PDZRN4: variants seen among roughly 807,000 people sequenced by gnomAD.
PDZRN4 encodes PDZ domain containing ring finger 4, also known as PDZ domain-containing RING finger protein 4.
Under a neutral mutation model 99.0 loss-of-function variants are expected in PDZRN4, and 70 were observed. That is an observed-to-expected ratio of 0.71 (90% CI 0.58 to 0.86). The LOEUF (loss-of-function observed/expected upper bound fraction) is 0.86. Ranked by LOEUF, PDZRN4 falls within the 40% of genes least tolerant of loss-of-function variation. The probability of loss-of-function intolerance (pLI) is 0.00; values close to 1 mark genes in which losing one functional copy is unlikely to be tolerated. For synonymous variants in PDZRN4, 551 were observed against 501.6 expected (o/e 1.10, Z -1.32); for missense variants, 1,474 against 1,331.2 (o/e 1.11, Z -1.67).
At chr12:41,311,214 C>A (rs1399099481) in intron 3 of PDZRN4, among the ~76,000 whole-genome samples, 1 of 151,954 alleles carries the variant, frequency 6.6e-6, no homozygotes, top group East Asian at 1.9e-4. Flanking sequence ...TGTTTAAAAA[C>A]CACACAGTCA....
chr12:41,464,982 G>A lies in PDZRN4; in HGVS notation c.844-41474G>A, dbSNP rs190618884. On this transcript the variant is annotated intron_variant, in intron 3 of 9. Transcript: ENST00000402685. ...TGGGATTACGAGTGCCTGTCACCAC[G>A]CCTGGCTAATTTTTGCATTTTTAGT... Among the ~76,000 whole-genome samples the A allele has an allele frequency of 2.4e-3, 363 of 151,970 alleles. 3 individuals carry two copies. Among genetic ancestry groups the A allele is most frequent in the Non-Finnish European group, 3.6e-3 (247 of 67,956 alleles).
intron 3 of PDZRN4, among the ~76,000 whole-genome samples, chr12:41,244,850 A>G (rs1049430629): frequency 1.8e-5 from 2 of 113,258 alleles, no homozygotes; most frequent in African/African-American, 3.1e-5. Context: ...GCGCCCGGCT[A>G]ATTTTTTGTA....
At chr12:41,267,256 T>C (rs1158792972) in intron 3 of PDZRN4, among the ~76,000 whole-genome samples, 1 of 152,174 alleles carries the variant, frequency 6.6e-6, no homozygotes, top group African/African-American at 2.4e-5. Flanking sequence ...GCACACATAG[T>C]GTATTACCCC....
At chr12:41,216,933 A>G (rs1371274554) in intron 3 of PDZRN4, among the ~76,000 whole-genome samples, 1 of 152,108 alleles carries the variant, frequency 6.6e-6, no homozygotes, top group Non-Finnish European at 1.5e-5. Flanking sequence ...CCTTGTATAG[A>G]AGAGTTTTCC....
At chr12:41,444,832 G>A (rs1043039342) in intron 3 of PDZRN4, among the ~76,000 whole-genome samples, 13 of 151,934 alleles carry the variant, frequency 8.6e-5, no homozygotes, top group African/African-American at 3.1e-4. Context: ...ATAATATAGT[G>A]ATTAAAAAAT....
chr12:41,489,924 A>G (rs1299465679), intron 3 of PDZRN4, among the ~76,000 whole-genome samples: 2 of 152,152 alleles, frequency 1.3e-5, no homozygotes, highest in African/African-American at 4.8e-5. Context: ...TTCTTTGATA[A>G]GTAATTTTGC....
At chr12:41,498,611 T>A (rs184028652) in intron 3 of PDZRN4, among the ~76,000 whole-genome samples, 144 of 152,246 alleles carry the variant, frequency 9.5e-4, no homozygotes, top group Non-Finnish European at 1.8e-3. Context: ...AGAGCTTTTA[T>A]AAACTAATCA....
At chr12:41,375,994 A>G (rs1318460108) in intron 3 of PDZRN4, among the ~76,000 whole-genome samples, 2 of 152,076 alleles carry the variant, frequency 1.3e-5, no homozygotes, top group Admixed American at 1.3e-4. Flanking sequence ...ATTATACATC[A>G]TTTGTATTTC....
chr12:41,209,425 C>T (rs1241655721), intron 3 of PDZRN4, among the ~76,000 whole-genome samples: 4 of 151,630 alleles, frequency 2.6e-5, no homozygotes, highest in East Asian at 3.9e-4. Flanking sequence ...ATACATGTGG[C>T]GTGTTGGTGT....
At chr12:41,321,247 G>A (rs1195989392) in intron 3 of PDZRN4, among the ~76,000 whole-genome samples, 3 of 152,080 alleles carry the variant, frequency 2.0e-5, no homozygotes, top group Non-Finnish European at 4.4e-5. Context: ...CAATTAGGTC[G>A]GTCATGGGAA....
intron 3 of PDZRN4, among the ~76,000 whole-genome samples, chr12:41,345,935 AC>A (rs1951850461): frequency 6.6e-6 from 1 of 152,130 alleles, no homozygotes. Context: ...GTATATTATT[AC>A]CAATAATAAT....
chr12:41,212,334 T>C (rs920023034), intron 3 of PDZRN4, among the ~76,000 whole-genome samples: 1 of 152,034 alleles, frequency 6.6e-6, no homozygotes, highest in African/African-American at 2.4e-5. Flanking sequence ...GAACCAGTAG[T>C]TATGCAAGAA....
intron 3 of PDZRN4, among the ~76,000 whole-genome samples, chr12:41,475,381 C>T (rs912696227): frequency 1.1e-4 from 17 of 152,060 alleles, no homozygotes; most frequent in Admixed American, 8.5e-4. Context: ...AAATAAATCA[C>T]CGGATGTTTA....
chr12:41,425,445 C>A (rs1952527430), intron 3 of PDZRN4, among the ~76,000 whole-genome samples: 1 of 151,816 alleles, frequency 6.6e-6, no homozygotes. Context: ...GTCCCAGGAA[C>A]AACTGGACAA....
intron 5 of PDZRN4, among the ~76,000 whole-genome samples, chr12:41,525,272 A>G (rs990484975): frequency 6.6e-6 from 1 of 152,186 alleles, no homozygotes; most frequent in African/African-American, 2.4e-5. Flanking sequence ...TAGAGGTCTA[A>G]TTGTATCGCT....
At chr12:41,372,234 T>C (rs1952047382) in intron 3 of PDZRN4, among the ~76,000 whole-genome samples, 1 of 152,168 alleles carries the variant, frequency 6.6e-6, no homozygotes, top group Non-Finnish European at 1.5e-5. Flanking sequence ...CCCAGCCTTG[T>C]AATTATAAAA....
At chr12:41,356,242 T>G (rs973772308) in intron 3 of PDZRN4, among the ~76,000 whole-genome samples, 12 of 152,050 alleles carry the variant, frequency 7.9e-5, no homozygotes, top group Non-Finnish European at 1.6e-4. Flanking sequence ...AAGAATATTT[T>G]TAAAATTATG....
chr12:41,286,640 G>A lies in PDZRN4; in HGVS notation c.843+92452G>A, dbSNP rs375521027. On this transcript the variant is annotated intron_variant, in intron 3 of 9. Transcript: ENST00000402685. ...TCTTGGAGGCACAAGTGGCTGTCTC[G>A]ATGTGTAAATGGATGTGTCAACACC... Among the ~76,000 whole-genome samples, 7 of 152,208 alleles carry A rather than the reference G, an allele frequency of 4.6e-5. No individual in the cohort carries two copies. The South Asian group carries it at 8.3e-4, about 18-fold the overall frequency.
intron 3 of PDZRN4, among the ~76,000 whole-genome samples, chr12:41,396,302 A>T (rs1303973980): frequency 6.6e-6 from 1 of 152,126 alleles, no homozygotes; most frequent in Non-Finnish European, 1.5e-5. Context: ...AAAGACCATA[A>T]GACAGTTTCT....
Sources: gnomAD v4.1 joint callset for allele counts (sites outside exome capture counted in the v4.1 genomes callset) on GRCh38, gnomAD v4.1.1 for gene constraint, MANE v1.5 for transcripts, NCBI Gene and HGNC (gene_info 2026-07-23, HGNC 2026-07-21) for gene names.